The following SCD5 variants were observed in gnomAD, a reference collection of about 807,000 sequenced individuals.
SCD5 encodes the protein stearoyl-CoA desaturase 5.
SCD5 carries 20 observed loss-of-function variants against 30.4 expected under a neutral mutation model. The observed-to-expected ratio is 0.66, with a 90% CI of 0.46 to 0.96. The LOEUF (loss-of-function observed/expected upper bound fraction) is 0.96. Among genes scored for constraint, SCD5 ranks in the 40% least tolerant of loss-of-function variants. The pLI is 0.00. For missense variants in SCD5, 381 were observed against 443.3 expected, an observed-to-expected ratio of 0.86 and a Z score of 1.26; for synonymous variants, 173 against 176.4, an observed-to-expected ratio of 0.98 and a Z score of 0.16.
intron 2 of SCD5, among the ~76,000 whole-genome samples, chr4:82,690,334 A>G (rs1457555321): frequency 6.6e-6 from 1 of 152,220 alleles, no homozygotes; most frequent in Non-Finnish European, 1.5e-5. Context: ...AGAGTTGGTG[A>G]ATCTAGGTGA....
At chr4:82,699,463 C>A (rs1324687866) in intron 2 of SCD5, among the ~76,000 whole-genome samples, 1 of 151,766 alleles carries the variant, frequency 6.6e-6, no homozygotes, top group Non-Finnish European at 1.5e-5. Context: ...CAACTCACTG[C>A]AACCTCCACC....
At chr4:82,680,024 T>G (rs1728534225) in intron 3 of SCD5, among the ~76,000 whole-genome samples, 1 of 152,156 alleles carries the variant, frequency 6.6e-6, no homozygotes, top group Non-Finnish European at 1.5e-5. Context: ...ACAGCCAAAT[T>G]TTGCAGACCC....
At chr4:82,639,889 T>C (rs1040543184) in intron 3 of SCD5, among the ~76,000 whole-genome samples, 7 of 152,250 alleles carry the variant, frequency 4.6e-5, no homozygotes, top group African/African-American at 1.7e-4. Flanking sequence ...TGAGCCACTG[T>C]CCCCACCCCC....
chr4:82,757,552 A>G (rs1286209406), intron 1 of SCD5, among the ~76,000 whole-genome samples: 1 of 152,222 alleles, frequency 6.6e-6, no homozygotes, highest in African/African-American at 2.4e-5. Context: ...CTGAAGCCAC[A>G]CAGCTAGTAA....
intron 1 of SCD5, among the ~76,000 whole-genome samples, chr4:82,774,109 A>G (rs1459712688): frequency 1.3e-5 from 2 of 151,592 alleles, no homozygotes; most frequent in Non-Finnish European, 2.9e-5. Flanking sequence ...AAAAAAGCAC[A>G]TAGAAATACA....
intron 1 of SCD5, among the ~76,000 whole-genome samples, chr4:82,767,305 T>C (rs1461289322): frequency 6.6e-6 from 1 of 152,136 alleles, no homozygotes; most frequent in African/African-American, 2.4e-5. Flanking sequence ...TCCACCTCTC[T>C]CTGCAGCTCT....
intron 1 of SCD5, among the ~76,000 whole-genome samples, chr4:82,795,488 C>T (rs1291995011): frequency 2.0e-5 from 3 of 152,162 alleles, no homozygotes; most frequent in African/African-American, 7.2e-5. Flanking sequence ...GCCATCAGCA[C>T]AGCTGATCTT....
chr4:82,795,920 T>C (rs901364916), intron 1 of SCD5, among the ~76,000 whole-genome samples: 9 of 149,306 alleles, frequency 6.0e-5, no homozygotes, highest in African/African-American at 2.0e-4. Context: ...AAAACTCTAA[T>C]ATCTACCATT....
chr4:82,726,644 A>G (rs9684074), intron 1 of SCD5, among the ~76,000 whole-genome samples: 61,384 of 151,334 alleles, frequency 0.41, 12,684 homozygotes, highest in African/African-American at 0.48. Context: ...CTGATATACA[A>G]TTTTCATAAA....
intron 3 of SCD5, among the ~76,000 whole-genome samples, chr4:82,642,980 G>A (rs1375931140): frequency 1.3e-5 from 2 of 152,116 alleles, no homozygotes; most frequent in Non-Finnish European, 2.9e-5. Context: ...CAGGGCCCTG[G>A]TCCTGATTGG....
intron 3 of SCD5, among the ~76,000 whole-genome samples, chr4:82,672,916 C>A (rs1728358416): frequency 6.6e-6 from 1 of 151,984 alleles, no homozygotes; most frequent in Non-Finnish European, 1.5e-5. Flanking sequence ...ATGTAATCTA[C>A]CACATTACAG....
chr4:82,661,928 C>G (rs6817471), intron 3 of SCD5, among the ~76,000 whole-genome samples: 93,467 of 152,072 alleles, frequency 0.61, 29,209 homozygotes, highest in Middle Eastern at 0.72. Flanking sequence ...TGAGAGGTGG[C>G]AGGGTTCTGG....
intron 3 of SCD5, among the ~76,000 whole-genome samples, chr4:82,641,200 G>C (rs1437242108): frequency 7.9e-6 from 1 of 126,894 alleles, no homozygotes; most frequent in African/African-American, 3.0e-5. Context: ...GTTGCAGTGA[G>C]CCAAGATCAT....
rs1404418442 is a variant in SCD5, at chr4:82,629,641, A to G, written c.*1686T>C. 3 of 152,226 alleles carry G rather than the reference A, an allele frequency of 2.0e-5. No homozygotes were observed. Among genetic ancestry groups the G allele is most frequent in the Admixed American group, 1.3e-4 (2 of 15,284 alleles). The allele number at this position is 152,226 out of a possible 1,614,324, so 9.4% of individuals were successfully genotyped here. On this transcript the variant is annotated 3_prime_UTR_variant, in exon 5 of 5. Coordinates refer to ENST00000319540, the MANE Select transcript of SCD5 (RefSeq NM_001037582.3). Reference sequence around the variant, plus strand: ...CTGGATGAAGAACTTCATTGTGACTATTTCCAATTGCCATCATATCTTTTT... The same window carrying G: ...CTGGATGAAGAACTTCATTGTGACTGTTTCCAATTGCCATCATATCTTTTT...
Position 82,705,303 on chromosome 4 carries a change from C to T in SCD5, c.343G>A (p.Ala115Thr). The T allele has an allele frequency of 6.2e-7, 1 of 1,614,180 alleles. No homozygotes were observed. Among genetic ancestry groups the T allele is most frequent in the Non-Finnish European group, 8.5e-7 (1 of 1,180,004 alleles). ...CTCACCTGGAAAGCCATGGAGTTGGCGACAGCCAGAAATATCCTCAGAGGC... is the reference window on the plus strand; with the variant it reads ...CTCACCTGGAAAGCCATGGAGTTGGTGACAGCCAGAAATATCCTCAGAGGC... ...KLPLRIFLAV[A>T]NSMAFQNDIF... The change falls in exon 2 of 5, where the codon GCC becomes ACC. Residue 115 changes from alanine (A) to threonine (T), a missense_variant. Ala to Thr is a moderately conservative substitution (Grantham distance 58). Coordinates refer to ENST00000319540, the MANE Select transcript of SCD5 (RefSeq NM_001037582.3).
chr4:82,747,085 G>A (rs77263961), intron 1 of SCD5, among the ~76,000 whole-genome samples: 25,554 of 126,696 alleles, frequency 0.2, 2,592 homozygotes, highest in African/African-American at 0.29. Context: ...CAAGAAAGAC[G>A]ACCTTCCCAC....
intron 1 of SCD5, among the ~76,000 whole-genome samples, chr4:82,787,952 C>T (rs935386418): frequency 6.6e-6 from 1 of 152,088 alleles, no homozygotes; most frequent in Non-Finnish European, 1.5e-5. Flanking sequence ...TAGAAGGATC[C>T]CTTGAGTTCA....
At chr4:82,729,703 C>T (rs1248345907) in intron 1 of SCD5, among the ~76,000 whole-genome samples, 3 of 152,170 alleles carry the variant, frequency 2.0e-5, no homozygotes, top group African/African-American at 7.2e-5. Flanking sequence ...GGCAATTACA[C>T]AGCAGCAGAT....
At chr4:82,726,180 A>G (rs979902596) in intron 1 of SCD5, among the ~76,000 whole-genome samples, 2 of 152,190 alleles carry the variant, frequency 1.3e-5, no homozygotes, top group African/African-American at 4.8e-5. Context: ...GCACTTTGGG[A>G]GGCCAAAGCA....
Sources: gnomAD v4.1 joint callset for allele counts (sites outside exome capture counted in the v4.1 genomes callset) on GRCh38, gnomAD v4.1.1 for gene constraint, MANE v1.5 for transcripts, NCBI Gene and HGNC (gene_info 2026-07-23, HGNC 2026-07-21) for gene names.